Variants in BIRC6 observed in about 807,000 individuals in gnomAD.
The protein encoded by BIRC6 is dual E2 ubiquitin-conjugating enzyme/E3 ubiquitin-protein ligase BIRC6.
In BIRC6, 98 loss-of-function variants were observed where a neutral mutation model predicts 503.3. That is an observed-to-expected ratio of 0.19 (90% CI 0.17 to 0.23). The LOEUF is 0.23. Among genes scored for constraint, BIRC6 ranks in the 10% least tolerant of loss-of-function variants. BIRC6 has a pLI of 1.00. For missense variants in BIRC6, 5,360 were observed against 5,806.0 expected, an observed-to-expected ratio of 0.92 and a Z score of 2.50; for synonymous variants, 2,240 against 2,078.7, an observed-to-expected ratio of 1.08 and a Z score of -2.11.
intron 61 of BIRC6, among the ~76,000 whole-genome samples, chr2:32,534,114 T>G (rs769630837): frequency 6.6e-6 from 1 of 151,996 alleles, no homozygotes; most frequent in Non-Finnish European, 1.5e-5. Context: ...GTAATCACAC[T>G]TGTAATCCCA....
intron 5 of BIRC6, among the ~76,000 whole-genome samples, chr2:32,393,469 A>G (rs2039497998): frequency 6.6e-6 from 1 of 152,226 alleles, no homozygotes; most frequent in South Asian, 2.1e-4. Context: ...TAAGAAATCT[A>G]ATACTTATAT....
intron 22 of BIRC6, among the ~76,000 whole-genome samples, chr2:32,452,646 T>A (rs1472069270): frequency 2.0e-5 from 3 of 152,152 alleles, no homozygotes; most frequent in African/African-American, 7.2e-5. Flanking sequence ...ATTCTTCCTA[T>A]GAATCCCCTC....
At chr2:32,616,960 G>T (rs2063286884) in intron 73 of BIRC6, among the ~76,000 whole-genome samples, 1 of 152,060 alleles carries the variant, frequency 6.6e-6, no homozygotes, top group Non-Finnish European at 1.5e-5. Flanking sequence ...GCTAGGCATG[G>T]TGCTTCATTC....
At position 32,471,200 on chromosome 2, in the gene BIRC6, G is replaced by A. The variant is rs1270276561; in HGVS notation, c.6592+76G>A. ...GTTGGTGGGGATTTTGAGTGACTTCGCAGTTGTTCCAGAACTGGCTATTGG... is the reference window on the plus strand; with the variant it reads ...GTTGGTGGGGATTTTGAGTGACTTCACAGTTGTTCCAGAACTGGCTATTGG... On this transcript the variant is annotated intron_variant, in intron 32 of 73. Coordinates refer to ENST00000421745, the MANE Select transcript of BIRC6 (RefSeq NM_016252.4). The A allele has an allele frequency of 9.8e-6, 15 of 1,523,236 alleles. No individual in the cohort carries two copies. The East Asian group carries it at 1.5e-4, about 15-fold the overall frequency. The allele number at this position is 1,523,236 out of a possible 1,614,324, so 94.4% of individuals were successfully genotyped here.
At chr2:32,490,533 T>G (rs1347093050) in intron 43 of BIRC6, among the ~76,000 whole-genome samples, 1 of 152,200 alleles carries the variant, frequency 6.6e-6, no homozygotes, top group East Asian at 1.9e-4. Context: ...AGACTCTGTC[T>G]CCAATAAAAG....
chr2:32,505,547 C>G (rs568358932), intron 50 of BIRC6, among the ~76,000 whole-genome samples: 3 of 152,286 alleles, frequency 2.0e-5, no homozygotes, highest in African/African-American at 2.4e-5. Context: ...TCAGCCCAGA[C>G]CTCAGTCCTA....
Position 32,611,476 on chromosome 2 carries a change from G to A in BIRC6, c.14288G>A (p.Arg4763Lys), listed in dbSNP as rs755351263. 6.2e-7 allele frequency: 1 copy of A among 1,609,168 alleles called. No individual in the cohort carries two copies. The highest frequency in any genetic ancestry group is 1.1e-5 in the South Asian group (1 of 90,450). Residue 4763 changes from arginine to lysine, a missense_variant, in exon 73 of 74, where the codon AGA (arginine) becomes AAA (lysine). Arg to Lys is a conservative substitution (Grantham distance 26). Coordinates refer to ENST00000421745, the MANE Select transcript of BIRC6 (RefSeq NM_016252.4). ...EVIHKHFYLK[R>K]VEIMAQCEEW... Reference sequence around the variant, plus strand: ...ATACACAAACATTTTTACTTGAAAAGAGTTGAGATAATGGCCCAATGTGAG... The same window carrying A: ...ATACACAAACATTTTTACTTGAAAAAAGTTGAGATAATGGCCCAATGTGAG...
At chr2:32,401,905 A>T (rs1204090401) in intron 8 of BIRC6, among the ~76,000 whole-genome samples, 1 of 152,218 alleles carries the variant, frequency 6.6e-6, no homozygotes, top group Non-Finnish European at 1.5e-5. Context: ...TCAACATTGG[A>T]AAGTCTAAAT....
chr2:32,364,884 G>A (rs190647149), intron 1 of BIRC6, among the ~76,000 whole-genome samples: 24 of 151,494 alleles, frequency 1.6e-4, no homozygotes, highest in African/African-American at 4.8e-4. Context: ...TGGCTAAAAT[G>A]TGCAGTCTCC....
Position 32,618,054 on chromosome 2 carries a change from T to C in BIRC6, c.*150T>C, listed in dbSNP as rs2063350589. 1 of 782,126 alleles carries C rather than the reference T, an allele frequency of 1.3e-6. No homozygotes were observed. The highest frequency in any genetic ancestry group is 1.9e-6 in the Non-Finnish European group (1 of 518,604). The allele number at this position is 782,126 out of a possible 1,614,324, so 48.4% of individuals were successfully genotyped here. On this transcript the variant is annotated 3_prime_UTR_variant, in exon 74 of 74. Transcript: ENST00000421745. Reference sequence around the variant, plus strand: ...GGAGATCCAGTTTAATTCAAGGTGATCTTTTATTTACCTGTACAGGAGTGT... The same window carrying C: ...GGAGATCCAGTTTAATTCAAGGTGACCTTTTATTTACCTGTACAGGAGTGT...
chr2:32,605,405 C>A (rs1436678900), intron 71 of BIRC6, among the ~76,000 whole-genome samples: 7 of 152,074 alleles, frequency 4.6e-5, no homozygotes, highest in Non-Finnish European at 8.8e-5. Flanking sequence ...ATAAAAGAGT[C>A]CTTTTTTATA....
chr2:32,482,405 C>A (rs1431468430), intron 38 of BIRC6, 24 bp from the exon 39 acceptor site: 5 of 1,598,698 alleles, frequency 3.1e-6, no homozygotes, highest in African/African-American at 1.4e-5. Context: ...AAATAAACCA[C>A]AGTTTTTTTT....
rs1053023222 is a variant in BIRC6 at position 32,496,196 on chromosome 2, A to G, written c.8468+2529A>G. Among the ~76,000 whole-genome samples the G allele has an allele frequency of 3.3e-5, 5 of 151,700 alleles. No homozygotes were observed. The East Asian group carries it at 9.7e-4, about 30-fold the overall frequency. ...GGATTCCCTTTGTAGTTTTTCAAAT[A>G]TCAATCAATGATACTTGTTTTGATC... On this transcript the variant is annotated intron_variant, in intron 45 of 73. Transcript: ENST00000421745.
chr2:32,589,170 C>G (rs1573224792), intron 66 of BIRC6, among the ~76,000 whole-genome samples: 1 of 152,250 alleles, frequency 6.6e-6, no homozygotes, highest in Non-Finnish European at 1.5e-5. Context: ...ATAAAAAAAT[C>G]TTATTTGCTG....
intron 71 of BIRC6, among the ~76,000 whole-genome samples, chr2:32,603,867 A>G (rs962298793): frequency 2.0e-5 from 3 of 151,484 alleles, no homozygotes; most frequent in Non-Finnish European, 2.9e-5. Flanking sequence ...TATTACATCA[A>G]TATAAATATA....
In BIRC6 at chr2:32,357,858, CG is replaced by C. The variant is rs2033356940; in HGVS notation, c.325+373del. 6.6e-6 allele frequency among the ~76,000 whole-genome samples: 1 copy of C among 151,996 alleles called. No individual in the cohort carries two copies. The highest frequency in any genetic ancestry group is 2.1e-4 in the South Asian group (1 of 4,814). On this transcript the variant is annotated intron_variant, in intron 1 of 73. Coordinates refer to ENST00000421745, the MANE Select transcript of BIRC6 (RefSeq NM_016252.4). This position sits in a 1 kb window ranked among gnomAD's most constrained non-coding sequence, Gnocchi z 4.9. ...GGTCCTGCGTCCGGTTAGATGAGAG[CG>C]AAAGGCTGGAAGGGTTGACCCCGGG...
chr2:32,429,054 G>A (rs2043828664), intron 10 of BIRC6, 92 bp from the exon 11 acceptor site: 1 of 1,078,822 alleles, frequency 9.3e-7, no homozygotes, highest in South Asian at 1.7e-5. Flanking sequence ...TGCCTATGAA[G>A]TGACATTCAG....
chr2:32,419,208 T>G (rs1422093340), intron 10 of BIRC6, among the ~76,000 whole-genome samples: 1 of 152,218 alleles, frequency 6.6e-6, no homozygotes, highest in African/African-American at 2.4e-5. Flanking sequence ...CATGTATGAT[T>G]TTTAAAAAGC....
chr2:32,363,476 A>ATTTTGCTTT (rs1157143428), intron 1 of BIRC6, among the ~76,000 whole-genome samples: 3 of 151,466 alleles, frequency 2.0e-5, no homozygotes, highest in African/African-American at 7.3e-5. Context: ...ACCCATCTAG[A>ATTTTGCTTT]TTTTGCTTTT....
Sources: allele counts gnomAD v4.1 joint callset (sites outside exome capture counted in the v4.1 genomes callset), GRCh38; gene constraint gnomAD v4.1.1; non-coding constraint Gnocchi (gnomAD v3.1); transcripts MANE v1.5; gene names NCBI Gene and HGNC (gene_info 2026-07-23, HGNC 2026-07-21).